Variants in MCOLN1 observed in about 807,000 individuals in gnomAD.
MCOLN1 encodes mucolipin-1.
Under a neutral mutation model 70.3 loss-of-function variants are expected in MCOLN1, and 50 were observed. The observed-to-expected ratio is 0.71, with a 90% CI of 0.57 to 0.90. The LOEUF (loss-of-function observed/expected upper bound fraction) is 0.90, where lower values mean the gene tolerates loss of function less well. Ranked by LOEUF, MCOLN1 falls within the 40% of genes least tolerant of loss-of-function variation. The pLI is 0.00. For missense variants in MCOLN1, 598 were observed against 803.5 expected (o/e 0.74, Z 3.09); for synonymous variants, 366 against 341.0 (o/e 1.07, Z -0.81).
intron 5 of MCOLN1, 30 bp from the exon 6 acceptor site, chr19:7,527,834 C>T: frequency 6.4e-7 from 1 of 1,572,496 alleles, no homozygotes; most frequent in Non-Finnish European, 8.8e-7. Flanking sequence ...CCGAAGACGC[C>T]CCTGACCCTC....
At chr19:7,532,584 A>G (rs1458751679) in intron 12 of MCOLN1, among the ~76,000 whole-genome samples, 4 of 152,062 alleles carry the variant, frequency 2.6e-5, no homozygotes, top group Non-Finnish European at 5.9e-5. Flanking sequence ...ACGTGGTGGC[A>G]GGCACCTGTA....
chr19:7,529,423 G>A (rs968392645), intron 10 of MCOLN1, among the ~76,000 whole-genome samples, 167 bp from the exon 11 acceptor site: 5 of 152,078 alleles, frequency 3.3e-5, no homozygotes, highest in East Asian at 1.9e-4. Context: ...CGTTGCCCTC[G>A]GACCCCCTCA....
Position 7,526,019 on chromosome 19 carries a change from A to C in MCOLN1, c.238-420A>C. ...GGAGGTTGTAGTGAGCTGAGATCAT[A>C]CCATGGCACTCCAACTTGGGCAACA... On this transcript the variant is annotated intron_variant, in intron 2 of 13. Coordinates refer to ENST00000264079, the MANE Select transcript of MCOLN1 (RefSeq NM_020533.3). This position sits in a 1 kb window ranked among gnomAD's most constrained non-coding sequence, Gnocchi z 4.6. 1 of 305,804 alleles carries C rather than the reference A, an allele frequency of 3.3e-6. No individual in the cohort carries two copies. The highest frequency in any genetic ancestry group is 6.4e-6 in the Non-Finnish European group (1 of 156,600). 18.9% of individuals were successfully genotyped at this position (305,804 alleles called of 1,614,324 possible).
At chr19:7,523,972 G>T (rs937090347) in intron 1 of MCOLN1, among the ~76,000 whole-genome samples, 3 of 151,798 alleles carry the variant, frequency 2.0e-5, no homozygotes, top group Admixed American at 6.6e-5. Context: ...TCAGCCTCCC[G>T]GGTAGATGGG....
In MCOLN1 at chr19:7,533,520, C is replaced by T. The variant is rs2022699425; in HGVS notation, c.1576-3C>T. 6.2e-7 allele frequency: 1 copy of T among 1,610,750 alleles called. No individual in the cohort carries two copies. The highest frequency in any genetic ancestry group is 8.5e-7 in the Non-Finnish European group (1 of 1,179,662). On this transcript the variant is annotated splice_polypyrimidine_tract_variant and splice_region_variant and intron_variant, in intron 12 of 13. Transcript: ENST00000264079. ...GGCTGAGCCTCCCGGCTTCTCTCCC[C>T]AGCATCCCGGCGGCGCAGGCGCAGA...
Sources: gnomAD v4.1 joint callset for allele counts (sites outside exome capture counted in the v4.1 genomes callset) on GRCh38, gnomAD v4.1.1 for gene constraint, Gnocchi (gnomAD v3.1) non-coding constraint, MANE v1.5 for transcripts, NCBI Gene and HGNC (gene_info 2026-07-23, HGNC 2026-07-21) for gene names.